The following PTPRD variants were observed in gnomAD, a reference collection of about 807,000 sequenced individuals.
The protein encoded by PTPRD is protein tyrosine phosphatase receptor type D.
Under a neutral mutation model 214.5 loss-of-function variants are expected in PTPRD, and 34 were observed. That is an observed-to-expected ratio of 0.16 (90% CI 0.12 to 0.21). The LOEUF (loss-of-function observed/expected upper bound fraction) is 0.21. Ranked by LOEUF, PTPRD falls within the 10% of genes least tolerant of loss-of-function variation. The pLI is 1.00. For synonymous variants in PTPRD, 1,128 were observed against 845.7 expected (o/e 1.33, Z -5.79); for missense variants, 2,545 against 2,398.7 (o/e 1.06, Z -1.27).
chr9:10,351,627 A>G (rs1294075343), intron 2 of PTPRD, among the ~76,000 whole-genome samples: 1 of 151,744 alleles, frequency 6.6e-6, no homozygotes, highest in Non-Finnish European at 1.5e-5. Context: ...AATACTGGGC[A>G]ATCAGAGGTT....
intron 3 of PTPRD, among the ~76,000 whole-genome samples, chr9:10,143,305 A>C (rs955760248): frequency 6.6e-6 from 1 of 151,982 alleles, no homozygotes; most frequent in Non-Finnish European, 1.5e-5. Context: ...AAAATAAAAA[A>C]ATAAATGCTC....
chr9:8,786,651 G>C (rs910764136), intron 11 of PTPRD, among the ~76,000 whole-genome samples: 6 of 151,140 alleles, frequency 4.0e-5, no homozygotes, highest in Non-Finnish European at 8.8e-5. Context: ...CTAACCTCAG[G>C]TGATCCACCC....
At chr9:9,177,716 G>A (rs1383551954) in intron 10 of PTPRD, among the ~76,000 whole-genome samples, 3 of 151,960 alleles carry the variant, frequency 2.0e-5, no homozygotes, top group East Asian at 1.9e-4. Flanking sequence ...TGAAAATGAT[G>A]GATGTAAACA....
chr9:8,484,203 G>A lies in PTPRD; in HGVS notation c.3329C>T (p.Thr1110Ile), dbSNP rs775510240. Reference protein sequence around the residue: ...TAKTAPDVLRTKPAFIGKTNL... With the variant: ...TAKTAPDVLRIKPAFIGKTNL... ...GGTCTTCCCAATGAAGGCAGGCTTG[G>A]TACGTAATACATCTGGTGCAGTCTT... Residue 1110 changes from threonine to isoleucine, a missense_variant, in exon 30 of 46, where the codon ACC (threonine) becomes ATC (isoleucine). By Grantham distance (89) the Thr-to-Ile change is moderately conservative. Transcript: ENST00000381196. The A allele has an allele frequency of 3.5e-5, 56 of 1,614,054 alleles. No homozygotes were observed. In the Admixed American group the frequency reaches 9.3e-4, roughly 27 times the overall value.
intron 5 of PTPRD, among the ~76,000 whole-genome samples, chr9:9,860,079 T>C (rs1474366985): frequency 2.0e-5 from 3 of 152,160 alleles, no homozygotes; most frequent in Non-Finnish European, 4.4e-5. Flanking sequence ...ACACAATGAA[T>C]AAAGTAAAAT....
At chr9:9,023,041 C>G (rs79709782) in intron 10 of PTPRD, among the ~76,000 whole-genome samples, 1,614 of 152,186 alleles carry the variant, frequency 0.011, 34 homozygotes, top group African/African-American at 0.037. Flanking sequence ...GTTTGGAAGT[C>G]AACATCCCAG....
At chr9:9,534,470 T>G (rs1373929064) in intron 8 of PTPRD, among the ~76,000 whole-genome samples, 2 of 152,040 alleles carry the variant, frequency 1.3e-5, no homozygotes, top group East Asian at 3.9e-4. Context: ...GAGGTGATAT[T>G]TATTGACAAA....
intron 8 of PTPRD, among the ~76,000 whole-genome samples, chr9:9,563,507 A>G (rs2083491775): frequency 1.3e-5 from 2 of 152,124 alleles, no homozygotes; most frequent in African/African-American, 2.4e-5. Flanking sequence ...TTCTGGAAAT[A>G]CTGTGATTGC....
intron 11 of PTPRD, among the ~76,000 whole-genome samples, chr9:8,970,087 G>A (rs1052475490): frequency 6.6e-6 from 1 of 151,822 alleles, no homozygotes; most frequent in African/African-American, 2.4e-5. Flanking sequence ...AAACTAAAGG[G>A]TATGTGGAGT....
At chr9:9,616,516 C>G (rs769311271) in intron 7 of PTPRD, among the ~76,000 whole-genome samples, 1 of 151,760 alleles carries the variant, frequency 6.6e-6, no homozygotes, top group Non-Finnish European at 1.5e-5. Context: ...CTCATAGACA[C>G]GAAATAAATT....
intron 2 of PTPRD, among the ~76,000 whole-genome samples, chr9:10,533,318 C>T (rs2056919371): frequency 6.6e-6 from 1 of 152,176 alleles, no homozygotes; most frequent in Admixed American, 6.6e-5. Flanking sequence ...ACAAATTGAA[C>T]TAAGACAGCA....
At chr9:9,623,596 G>A (rs1001691874) in intron 7 of PTPRD, among the ~76,000 whole-genome samples, 1 of 152,102 alleles carries the variant, frequency 6.6e-6, no homozygotes, top group South Asian at 2.1e-4. Flanking sequence ...ACCCAGCACA[G>A]TGTCACACCG....
chr9:9,243,276 C>T (rs2099971305), intron 9 of PTPRD, among the ~76,000 whole-genome samples: 3 of 152,106 alleles, frequency 2.0e-5, no homozygotes, highest in Admixed American at 2.0e-4. Context: ...AGGAATCCTC[C>T]CTAACTCATT....
intron 4 of PTPRD, among the ~76,000 whole-genome samples, chr9:9,964,866 T>C (rs933839295): frequency 6.6e-6 from 1 of 152,176 alleles, no homozygotes; most frequent in Admixed American, 6.6e-5. Flanking sequence ...GTATAATATG[T>C]ACTCCAAGAT....
intron 7 of PTPRD, among the ~76,000 whole-genome samples, chr9:9,645,678 AT>A (rs967774539): frequency 4.6e-4 from 70 of 151,570 alleles, no homozygotes; most frequent in African/African-American, 1.6e-3. Flanking sequence ...TCTGATTGAT[AT>A]TTTCTTTCAT....
chr9:8,627,777 A>C (rs1319513516), intron 14 of PTPRD, among the ~76,000 whole-genome samples: 6 of 151,852 alleles, frequency 4.0e-5, no homozygotes, highest in South Asian at 2.1e-4. Flanking sequence ...AGGGTCTCTC[A>C]TAGACTATCC....
chr9:9,166,329 T>A (rs1208409563), intron 10 of PTPRD, among the ~76,000 whole-genome samples: 1 of 152,128 alleles, frequency 6.6e-6, no homozygotes, highest in East Asian at 1.9e-4. Flanking sequence ...CTGACTCTCT[T>A]GTGTTTATTC....
At chr9:8,884,020 A>C (rs572471586) in intron 11 of PTPRD, among the ~76,000 whole-genome samples, 7 of 152,296 alleles carry the variant, frequency 4.6e-5, no homozygotes, top group African/African-American at 1.4e-4. Context: ...ATGTTGCCTC[A>C]TTTATTTTCC....
intron 11 of PTPRD, among the ~76,000 whole-genome samples, chr9:8,790,424 T>C (rs747642053): frequency 4.6e-5 from 7 of 152,046 alleles, no homozygotes; most frequent in Non-Finnish European, 8.8e-5. Context: ...TTTTGTTTTA[T>C]TTTGTGTTTT....
Sources: gnomAD v4.1 joint callset for allele counts (sites outside exome capture counted in the v4.1 genomes callset) on GRCh38, gnomAD v4.1.1 for gene constraint, MANE v1.5 for transcripts, NCBI Gene and HGNC (gene_info 2026-07-23, HGNC 2026-07-21) for gene names.